Variants in PPM1B observed in about 807,000 individuals in gnomAD.
PPM1B encodes protein phosphatase, Mg2+/Mn2+ dependent 1B, also known as protein phosphatase 1B.
A neutral mutation model predicts 43.0 loss-of-function variants in PPM1B; 22 were observed. The ratio of observed to expected loss-of-function variants is 0.51; its 90% CI spans 0.37 to 0.73. The LOEUF (loss-of-function observed/expected upper bound fraction) is 0.73. Ranked by LOEUF, PPM1B falls within the 30% of genes least tolerant of loss-of-function variation. PPM1B has a pLI of 0.00. For missense variants in PPM1B, 632 were observed against 584.2 expected, an observed-to-expected ratio of 1.08 and a Z score of -0.84; for synonymous variants, 217 against 197.9, an observed-to-expected ratio of 1.10 and a Z score of -0.81.
At chr2:44,241,934 C>T (rs1427097651) in intron 5 of PPM1B, among the ~76,000 whole-genome samples, 2 of 130,410 alleles carry the variant, frequency 1.5e-5, no homozygotes, top group Admixed American at 9.1e-5. Flanking sequence ...TCTCAGCTCA[C>T]TGCGAGCTCC....
chr2:44,195,205 CTT>C (rs571222223), intron 1 of PPM1B, among the ~76,000 whole-genome samples: 2 of 140,482 alleles, frequency 1.4e-5, no homozygotes, highest in Non-Finnish European at 1.5e-5. Flanking sequence ...TTCTTTCTTT[CTT>C]TTTTTTTTTT....
chr2:44,216,131 C>G (rs1669706818), intron 3 of PPM1B, among the ~76,000 whole-genome samples: 4 of 152,102 alleles, frequency 2.6e-5, no homozygotes, highest in Non-Finnish European at 5.9e-5. Flanking sequence ...AAGGATCTCT[C>G]TTAGTTGCTG....
chr2:44,190,792 C>T (rs1027627821), intron 1 of PPM1B, among the ~76,000 whole-genome samples: 1 of 152,084 alleles, frequency 6.6e-6, no homozygotes, highest in East Asian at 1.9e-4. Flanking sequence ...TTTTTGTTGA[C>T]TAAGTTTTAC....
At chr2:44,173,903 A>G (rs1667465217) in intron 1 of PPM1B, among the ~76,000 whole-genome samples, 1 of 152,238 alleles carries the variant, frequency 6.6e-6, no homozygotes, top group East Asian at 1.9e-4. Context: ...AGATCACGCC[A>G]CTGCACTCCA....
intron 2 of PPM1B, among the ~76,000 whole-genome samples, chr2:44,206,166 A>G (rs1285633830): frequency 6.6e-6 from 1 of 152,220 alleles, no homozygotes; most frequent in Non-Finnish European, 1.5e-5. Flanking sequence ...AGTAAAAAGA[A>G]CATGTAATAA....
intron 1 of PPM1B, among the ~76,000 whole-genome samples, chr2:44,184,664 A>G (rs373205987): frequency 6.6e-6 from 1 of 152,064 alleles, no homozygotes; most frequent in Admixed American, 6.6e-5. Flanking sequence ...TACTTGATAG[A>G]TTATGCCTCC....
chr2:44,178,475 T>TATATATATATATATATATATATATATATA (rs1491152402), intron 1 of PPM1B, among the ~76,000 whole-genome samples: 1 of 23,928 alleles, frequency 4.2e-5, no homozygotes, highest in African/African-American at 1.1e-4. Flanking sequence ...TATATATATA[T>TATATATATATATATATATATATATATATA]TTTTTTTTTT....
At chr2:44,192,049 C>T (rs148103446) in intron 1 of PPM1B, among the ~76,000 whole-genome samples, 1 of 145,640 alleles carries the variant, frequency 6.9e-6, no homozygotes, top group African/African-American at 2.5e-5. Flanking sequence ...TACTTTGAGT[C>T]TGTTTGGTTT....
intron 1 of PPM1B, among the ~76,000 whole-genome samples, chr2:44,177,783 C>T (rs1285509675): frequency 6.6e-6 from 1 of 151,512 alleles, no homozygotes; most frequent in East Asian, 1.9e-4. Context: ...TGACCATATA[C>T]AGAATTTTTT....
intron 2 of PPM1B, among the ~76,000 whole-genome samples, chr2:44,207,835 G>C (rs1473401419): frequency 6.6e-6 from 1 of 150,800 alleles, no homozygotes; most frequent in Non-Finnish European, 1.5e-5. Flanking sequence ...TGCTCACCGA[G>C]GCCTCCCGAA....
chr2:44,236,561 TAATC>T (rs1311849848), downstream of PPM1B, among the ~76,000 whole-genome samples: 1 of 152,084 alleles, frequency 6.6e-6, no homozygotes, highest in Non-Finnish European at 1.5e-5. Flanking sequence ...AATGTTTCTA[TAATC>T]ATATTAGCCG....
At position 44,225,117 on chromosome 2, in the gene PPM1B, A is replaced by G. The variant is rs550731539; in HGVS notation, c.1135-5296A>G. Among the ~76,000 whole-genome samples, 9 of 152,360 alleles carry G rather than the reference A, an allele frequency of 5.9e-5. No homozygotes were observed. The East Asian group carries it at 1.7e-3, about 29-fold the overall frequency. Reference sequence around the variant, plus strand: ...AGTTTCATCACTTATAAAAATGATAACTGGAATCCTTACTTTGTAGGGTAC... The same window carrying G: ...AGTTTCATCACTTATAAAAATGATAGCTGGAATCCTTACTTTGTAGGGTAC... On this transcript the variant is annotated intron_variant, in intron 5 of 5. Coordinates refer to ENST00000282412, the MANE Select transcript of PPM1B (RefSeq NM_002706.6).
intron 3 of PPM1B, among the ~76,000 whole-genome samples, chr2:44,210,495 C>T (rs1229493599): frequency 1.3e-5 from 2 of 152,178 alleles, no homozygotes; most frequent in African/African-American, 2.4e-5. Context: ...GCTGGGATTA[C>T]AGGCATGAGC....
chr2:44,245,091 T>G (rs1670831839), downstream of PPM1B, among the ~76,000 whole-genome samples: 1 of 152,054 alleles, frequency 6.6e-6, no homozygotes, highest in Non-Finnish European at 1.5e-5. Context: ...AAACTACATT[T>G]TCTAGGCGCT....
intron 2 of PPM1B, among the ~76,000 whole-genome samples, chr2:44,203,724 A>G (rs1352984039): frequency 1.3e-5 from 2 of 152,094 alleles, no homozygotes; most frequent in Non-Finnish European, 2.9e-5. Context: ...ATAAGTATTG[A>G]TCTGTATCAT....
intron 3 of PPM1B, among the ~76,000 whole-genome samples, chr2:44,217,316 T>C (rs899154462): frequency 2.0e-5 from 3 of 151,796 alleles, no homozygotes; most frequent in Non-Finnish European, 2.9e-5. Flanking sequence ...GGAGAATTGC[T>C]TGAACCCAGG....
At chr2:44,238,370 G>C (rs186527971), downstream of PPM1B, among the ~76,000 whole-genome samples, 338 of 152,104 alleles carry the variant, frequency 2.2e-3, no homozygotes, top group African/African-American at 7.9e-3. Context: ...CTTATAATTG[G>C]TATAGCACTT....
downstream of PPM1B, among the ~76,000 whole-genome samples, chr2:44,245,733 A>G (rs1415522379): frequency 1.3e-5 from 2 of 152,204 alleles, no homozygotes; most frequent in East Asian, 3.8e-4. Flanking sequence ...AAAGGTGTTC[A>G]GTGTACCTTT....
At chr2:44,181,935 A>G (rs1667893891) in intron 1 of PPM1B, among the ~76,000 whole-genome samples, 2 of 151,836 alleles carry the variant, frequency 1.3e-5, no homozygotes, top group Non-Finnish European at 1.5e-5. Context: ...GTACAGAAAA[A>G]AGAATAAAGA....
Sources: gnomAD v4.1 joint callset for allele counts (sites outside exome capture counted in the v4.1 genomes callset) on GRCh38, gnomAD v4.1.1 for gene constraint, MANE v1.5 for transcripts, NCBI Gene and HGNC (gene_info 2026-07-23, HGNC 2026-07-21) for gene names.